Variants in KALRN observed in about 807,000 individuals in gnomAD.
The protein encoded by KALRN is kalirin RhoGEF kinase.
KALRN carries 70 observed loss-of-function variants against 353.7 expected under a neutral mutation model. The observed-to-expected ratio is 0.20, with a 90% CI of 0.16 to 0.24. The LOEUF (loss-of-function observed/expected upper bound fraction) is 0.24. Among genes scored for constraint, KALRN ranks in the 10% least tolerant of loss-of-function variants. KALRN has a pLI of 1.00. For synonymous variants in KALRN, 1,391 were observed against 1,434.8 expected, an observed-to-expected ratio of 0.97 and a Z score of 0.69; for missense variants, 2,791 against 3,756.7, an observed-to-expected ratio of 0.74 and a Z score of 6.72.
intron 26 of KALRN, 85 bp from the exon 27 acceptor site, chr3:124,477,160 A>C: frequency 1.1e-6 from 1 of 924,344 alleles, no homozygotes; most frequent in Non-Finnish European, 1.8e-6. Flanking sequence ...TCTTAACTGT[A>C]CAGCCCTTGC....
chr3:124,347,332 GAGGC>G (rs2082371784), intron 10 of KALRN, 67 bp downstream of exon 10: 2 of 1,496,406 alleles, frequency 1.3e-6, no homozygotes, highest in Non-Finnish European at 1.8e-6. Context: ...CTAGATGAGG[GAGGC>G]ATGATGACTT....
At chr3:124,218,067 T>C (rs751865) in intron 1 of KALRN, among the ~76,000 whole-genome samples, 143,237 of 152,200 alleles carry the variant, frequency 0.94, 68,012 homozygotes, top group East Asian at 1. Context: ...GAGGGTCCTC[T>C]GCCCTAAACT....
At chr3:124,281,027 G>C (rs1011816944) in intron 5 of KALRN, among the ~76,000 whole-genome samples, 14 of 151,926 alleles carry the variant, frequency 9.2e-5, no homozygotes, top group African/African-American at 2.7e-4. Flanking sequence ...CCTGCACATT[G>C]TGCACATGTA....
chr3:124,081,802 A>G (rs377694340), intron 1 of KALRN, among the ~76,000 whole-genome samples: 85 of 152,212 alleles, frequency 5.6e-4, no homozygotes, highest in African/African-American at 1.9e-3. Flanking sequence ...CAAACAAACA[A>G]AAAACAGCGG....
intron 14 of KALRN, among the ~76,000 whole-genome samples, 170 bp from the exon 15 acceptor site, chr3:124,422,642 T>C (rs1395646675): frequency 6.6e-6 from 1 of 152,170 alleles, no homozygotes; most frequent in Admixed American, 6.5e-5. Flanking sequence ...AATTTTAGCA[T>C]CCCAAACAAG....
intron 1 of KALRN, among the ~76,000 whole-genome samples, chr3:124,205,710 G>T (rs1579364425): frequency 1.3e-5 from 2 of 152,266 alleles, no homozygotes. Context: ...TTAGATTTGG[G>T]AATCAGAACA....
chr3:124,075,413 C>T (rs919132590), intron 1 of KALRN, among the ~76,000 whole-genome samples: 1 of 152,204 alleles, frequency 6.6e-6, no homozygotes, highest in African/African-American at 2.4e-5. Flanking sequence ...TTCTTGAGGA[C>T]ACCACTTGTA....
At chr3:124,573,328 CT>C (rs1203205410) in intron 34 of KALRN, among the ~76,000 whole-genome samples, 1 of 152,176 alleles carries the variant, frequency 6.6e-6, no homozygotes, top group African/African-American at 2.4e-5. Flanking sequence ...ACAAGGTAGA[CT>C]TTGCAGTCCA....
At chr3:124,280,571 G>A (rs1307500047) in intron 5 of KALRN, among the ~76,000 whole-genome samples, 3 of 152,156 alleles carry the variant, frequency 2.0e-5, no homozygotes, top group African/African-American at 7.2e-5. Context: ...GAGGGGTAAT[G>A]GGAGGAGTCT....
intron 1 of KALRN, among the ~76,000 whole-genome samples, chr3:124,084,628 C>G (rs1249868898): frequency 6.6e-6 from 1 of 152,222 alleles, no homozygotes; most frequent in Non-Finnish European, 1.5e-5. Flanking sequence ...AGCCCAAGTA[C>G]TAGCTTTGTT....
At chr3:124,544,786 A>G (rs1459531014) in intron 33 of KALRN, among the ~76,000 whole-genome samples, 2 of 152,162 alleles carry the variant, frequency 1.3e-5, no homozygotes, top group Non-Finnish European at 2.9e-5. Flanking sequence ...CCTGGCACAT[A>G]ATAAGCACTT....
intron 2 of KALRN, among the ~76,000 whole-genome samples, chr3:124,229,542 C>T (rs1202930504): frequency 6.6e-6 from 1 of 152,224 alleles, no homozygotes; most frequent in Non-Finnish European, 1.5e-5. Context: ...TAGTCCAGTC[C>T]TGTAGAGCAG....
chr3:124,511,537 G>T (rs2065904411), intron 33 of KALRN, among the ~76,000 whole-genome samples: 1 of 152,108 alleles, frequency 6.6e-6, no homozygotes, highest in African/African-American at 2.4e-5. Flanking sequence ...AATAGGCAAG[G>T]TCTGTCCCTG....
intron 13 of KALRN, among the ~76,000 whole-genome samples, chr3:124,407,406 G>A (rs1043953150): frequency 1.3e-5 from 2 of 151,858 alleles, no homozygotes; most frequent in Admixed American, 6.6e-5. Context: ...ATTTGTTACT[G>A]AGTCATATTA....
intron 26 of KALRN, among the ~76,000 whole-genome samples, chr3:124,475,643 C>A (rs1334635570): frequency 2.6e-5 from 4 of 152,168 alleles, no homozygotes; most frequent in Non-Finnish European, 5.9e-5. Flanking sequence ...ATGTGATAGA[C>A]AACACTATGT....
chr3:124,489,035 G>A (rs1263668988), intron 29 of KALRN, among the ~76,000 whole-genome samples: 1 of 152,218 alleles, frequency 6.6e-6, no homozygotes, highest in Admixed American at 6.5e-5. Flanking sequence ...GGTGGAATTT[G>A]TTAGATGAGT....
intron 42 of KALRN, 111 bp downstream of exon 42, chr3:124,658,628 C>T (rs1000253005): frequency 2.5e-6 from 2 of 790,526 alleles, no homozygotes; most frequent in African/African-American, 1.7e-5. Context: ...CACACAGCAC[C>T]GTTGACCCAT....
intron 5 of KALRN, among the ~76,000 whole-genome samples, chr3:124,273,051 T>C (rs370339691): frequency 2.0e-5 from 3 of 152,242 alleles, no homozygotes; most frequent in Non-Finnish European, 2.9e-5. Flanking sequence ...TCAGCCTCTA[T>C]TTTTGTAAAA....
chr3:124,289,172 C>T (rs1220180204), intron 5 of KALRN, among the ~76,000 whole-genome samples: 1 of 152,114 alleles, frequency 6.6e-6, no homozygotes, highest in Non-Finnish European at 1.5e-5. Flanking sequence ...GTCACTAATT[C>T]CATCATGGGG....
Sources: allele counts gnomAD v4.1 joint callset (sites outside exome capture counted in the v4.1 genomes callset), GRCh38; gene constraint gnomAD v4.1.1; transcripts MANE v1.5; gene names NCBI Gene and HGNC (gene_info 2026-07-23, HGNC 2026-07-21).